The following SETBP1 variants were observed in gnomAD, a reference collection of about 807,000 sequenced individuals.
SETBP1 encodes SET-binding protein.
Under a neutral mutation model 101.0 loss-of-function variants are expected in SETBP1, and 9 were observed. That is an observed-to-expected ratio of 0.09 (90% CI 0.05 to 0.16). The LOEUF is 0.16. Among genes scored for constraint, SETBP1 ranks in the 10% least tolerant of loss-of-function variants. The pLI, the probability that SETBP1 is intolerant of heterozygous loss-of-function variation, is 1.00. For synonymous variants in SETBP1, 818 were observed against 788.5 expected (o/e 1.04, Z -0.63); for missense variants, 1,858 against 2,033.8 (o/e 0.91, Z 1.66).
chr18:44,834,949 A>C (rs1238625277), intron 2 of SETBP1, among the ~76,000 whole-genome samples: 1 of 152,144 alleles, frequency 6.6e-6, no homozygotes, highest in African/African-American at 2.4e-5. Flanking sequence ...AAGCAGAGGA[A>C]AGAGGAAAGG....
At chr18:45,006,462 GTCCAAGA>G (rs2072729699) in intron 4 of SETBP1, among the ~76,000 whole-genome samples, 1 of 152,190 alleles carries the variant, frequency 6.6e-6, no homozygotes, top group African/African-American at 2.4e-5. Flanking sequence ...GAGGCTGGAA[GTCCAAGA>G]TCAAAGTGTC....
chr18:44,829,247 A>G (rs1170838326), intron 2 of SETBP1, among the ~76,000 whole-genome samples: 1 of 152,174 alleles, frequency 6.6e-6, no homozygotes, highest in East Asian at 1.9e-4. Flanking sequence ...TTGTTGGTGT[A>G]CCTTCTTGTT....
At chr18:44,918,407 C>G (rs536521930) in intron 3 of SETBP1, among the ~76,000 whole-genome samples, 1 of 152,306 alleles carries the variant, frequency 6.6e-6, no homozygotes, top group Non-Finnish European at 1.5e-5. Flanking sequence ...CAGCGGCCTT[C>G]CAGGAGAGGA....
At position 45,063,741 on chromosome 18, in the gene SETBP1, C is replaced by A; in HGVS notation, c.*43C>A. ...GCACCTGGGGCCTAGGGAACTGACA[C>A]GTGGGAAGCGCAGTGAGCCGGGGCG... is the stretch of plus-strand genomic sequence containing the variant. On this transcript the variant is annotated 3_prime_UTR_variant, in exon 6 of 6. Coordinates refer to ENST00000649279, the MANE Select transcript of SETBP1 (RefSeq NM_015559.3). 1 of 1,578,318 alleles carries A rather than the reference C, an allele frequency of 6.3e-7. No individual in the cohort carries two copies. The highest frequency in any genetic ancestry group is 1.4e-5 in the African/African-American group (1 of 73,804).
chr18:44,765,165 A>C (rs921183790), intron 2 of SETBP1, among the ~76,000 whole-genome samples: 1 of 152,150 alleles, frequency 6.6e-6, no homozygotes, highest in African/African-American at 2.4e-5. Context: ...CTCACAAACC[A>C]CACTTTCCTT....
In SETBP1 at chr18:45,063,555, G is replaced by A. The variant is rs2073926034; in HGVS notation, c.4648G>A (p.Gly1550Ser). Residue 1550 changes from glycine (G) to serine (S), a missense_variant, in exon 6 of 6, where the codon GGC (glycine) becomes AGC (serine). Gly to Ser is a moderately conservative substitution (Grantham distance 56, BLOSUM62 0). Around this residue, in one of 12 missense-constraint regions of SETBP1, gnomAD observed 178 missense variants for 189.1 expected, o/e 0.94. Transcript: ENST00000649279. ...PPPPLPKTPR[G>S]GKRKHKPQAP... is the part of the protein sequence containing the mutation. Reference sequence around the variant, plus strand: ...ACCCCCTCTACCCAAGACCCCCCGAGGCGGAAAGAGGAAACACAAACCGCA... The same window carrying A: ...ACCCCCTCTACCCAAGACCCCCCGAAGCGGAAAGAGGAAACACAAACCGCA... 3.6e-6 allele frequency: 5 copies of A among 1,389,766 alleles called. No homozygotes were observed. The highest frequency in any genetic ancestry group is 4.8e-6 in the Non-Finnish European group (5 of 1,044,724). 86.1% of individuals were successfully genotyped at this position (1,389,766 alleles called of 1,614,324 possible).
chr18:45,049,220 C>T (rs1432095191), intron 5 of SETBP1, among the ~76,000 whole-genome samples: 1 of 152,036 alleles, frequency 6.6e-6, no homozygotes, highest in African/African-American at 2.4e-5. Flanking sequence ...TTAAGATGGA[C>T]TTCTAAAGAT....
intron 2 of SETBP1, among the ~76,000 whole-genome samples, chr18:44,821,807 C>T (rs1018289310): frequency 6.6e-6 from 1 of 152,190 alleles, no homozygotes; most frequent in Admixed American, 6.5e-5. Context: ...AAAAGAATTT[C>T]CTCAGAATCA....
rs1027389213 is a variant in SETBP1 at position 45,002,067 on chromosome 18, C to T, written c.4001-36418C>T. On this transcript the variant is annotated intron_variant, in intron 4 of 5. Transcript: ENST00000649279. The stretch of plus-strand genomic sequence containing the variant: ...AGCTCCTTCAGAAAAGCTTCGCTTC[C>T]GTACATTGATCTCTCTTTGAAAAAA... Among the ~76,000 whole-genome samples, 10 of 152,144 alleles carry T rather than the reference C, an allele frequency of 6.6e-5. No homozygotes were observed. The East Asian group carries it at 9.6e-4, about 15-fold the overall frequency.
intron 2 of SETBP1, among the ~76,000 whole-genome samples, chr18:44,719,114 A>G (rs1336781942): frequency 4.6e-5 from 7 of 152,214 alleles, no homozygotes; most frequent in African/African-American, 7.2e-5. Flanking sequence ...GGAAGGTAGA[A>G]TAGTAAGCTT....
chr18:44,712,095 C>T (rs1263953043), intron 2 of SETBP1, among the ~76,000 whole-genome samples: 2 of 152,212 alleles, frequency 1.3e-5, no homozygotes, highest in African/African-American at 4.8e-5. Flanking sequence ...CAGTACCTGG[C>T]CTGTGAGGCC....
intron 4 of SETBP1, among the ~76,000 whole-genome samples, chr18:44,999,099 A>G (rs754890353): frequency 3.3e-5 from 5 of 152,180 alleles, no homozygotes; most frequent in Non-Finnish European, 7.3e-5. Flanking sequence ...GTCTGAGCTC[A>G]CAGAATTTTT....
chr18:45,017,114 A>G (rs2072963251), intron 4 of SETBP1, among the ~76,000 whole-genome samples: 1 of 152,100 alleles, frequency 6.6e-6, no homozygotes. Flanking sequence ...ATGGAGGCTT[A>G]ATGTGGAGAT....
chr18:44,711,554 CTTGCT>C, intron 2 of SETBP1, among the ~76,000 whole-genome samples: 1 of 145,844 alleles, frequency 6.9e-6, no homozygotes, highest in Non-Finnish European at 1.5e-5. Flanking sequence ...AAAACAGGGT[CTTGCT>C]CTGTTGCCCA....
intron 3 of SETBP1, among the ~76,000 whole-genome samples, chr18:44,903,055 C>A (rs2070091085): frequency 6.6e-6 from 1 of 152,108 alleles, no homozygotes; most frequent in Admixed American, 6.6e-5. Context: ...AGGTCGATTG[C>A]AGGAAGCATG....
intron 3 of SETBP1, among the ~76,000 whole-genome samples, chr18:44,941,066 G>A (rs1267000083): frequency 2.8e-5 from 4 of 145,330 alleles, no homozygotes; most frequent in African/African-American, 1.0e-4. Context: ...TCTAATTAAT[G>A]AGAAGTCAGA....
rs558537295 is a variant in SETBP1 at position 45,063,948 on chromosome 18, C to T, written c.*250C>T. 242 of 429,942 alleles carry T rather than the reference C, an allele frequency of 5.6e-4. No individual in the cohort carries two copies. Among genetic ancestry groups the T allele is most frequent in the African/African-American group, 4.7e-3 (229 of 48,500 alleles). The allele number at this position is 429,942 out of a possible 1,614,324, so 26.6% of individuals were successfully genotyped here. On this transcript the variant is annotated 3_prime_UTR_variant, in exon 6 of 6. Transcript: ENST00000649279. Reference sequence around the variant, plus strand: ...GCTCCCACCACGCGGCGCTTCAGTACGGCTGGATCCTCCGCAGGCGAGCGG... The same window carrying T: ...GCTCCCACCACGCGGCGCTTCAGTATGGCTGGATCCTCCGCAGGCGAGCGG...
chr18:45,059,833 T>C (rs1393332002), intron 5 of SETBP1, among the ~76,000 whole-genome samples: 1 of 152,180 alleles, frequency 6.6e-6, no homozygotes, highest in African/African-American at 2.4e-5. Flanking sequence ...CTCTAGTGGC[T>C]TAATAAAACT....
intron 3 of SETBP1, among the ~76,000 whole-genome samples, chr18:44,949,192 C>T (rs1373639908): frequency 1.3e-5 from 2 of 152,178 alleles, no homozygotes; most frequent in Non-Finnish European, 2.9e-5. Context: ...TCCATTTCTT[C>T]TCCGTGCCCT....
Sources: gnomAD v4.1 joint callset for allele counts (sites outside exome capture counted in the v4.1 genomes callset) on GRCh38, gnomAD v4.1.1 for gene constraint, gnomAD v4.1.1 regional missense constraint, MANE v1.5 for transcripts, NCBI Gene and HGNC (gene_info 2026-07-23, HGNC 2026-07-21) for gene names.